Variants in HS6ST3 observed in about 807,000 individuals in gnomAD.
HS6ST3 encodes the protein heparan-sulfate 6-O-sulfotransferase 3.
A neutral mutation model predicts 36.7 loss-of-function variants in HS6ST3; 12 were observed. The observed-to-expected ratio is 0.33, with a 90% CI of 0.21 to 0.53. The LOEUF is 0.53. Among genes scored for constraint, HS6ST3 ranks in the 20% least tolerant of loss-of-function variants. The pLI is 0.95. For missense variants in HS6ST3, 584 were observed against 640.9 expected, an observed-to-expected ratio of 0.91 and a Z score of 0.96; for synonymous variants, 240 against 257.5, an observed-to-expected ratio of 0.93 and a Z score of 0.65.
intron 1 of HS6ST3, among the ~76,000 whole-genome samples, chr13:96,424,647 C>T (rs976104958): frequency 6.6e-6 from 1 of 152,230 alleles, no homozygotes; most frequent in East Asian, 1.9e-4. Context: ...TTTCTGGGTC[C>T]TTAGACGGCA....
At chr13:96,118,123 T>C (rs182574927) in intron 1 of HS6ST3, among the ~76,000 whole-genome samples, 1 of 152,040 alleles carries the variant, frequency 6.6e-6, no homozygotes, top group East Asian at 1.9e-4. Flanking sequence ...CCACCCACAT[T>C]GGCCTCCAAA....
At chr13:96,133,718 T>A (rs1235993887) in intron 1 of HS6ST3, among the ~76,000 whole-genome samples, 1 of 152,238 alleles carries the variant, frequency 6.6e-6, no homozygotes, top group Non-Finnish European at 1.5e-5. Context: ...CCACTCTGCC[T>A]GGCCCTGTGC....
chr13:96,546,510 T>C (rs1764284554), intron 1 of HS6ST3, among the ~76,000 whole-genome samples: 1 of 152,140 alleles, frequency 6.6e-6, no homozygotes, highest in African/African-American at 2.4e-5. Flanking sequence ...CACTATTAAT[T>C]ATGCCATGGC....
At chr13:96,474,151 T>C (rs2055852090) in intron 1 of HS6ST3, among the ~76,000 whole-genome samples, 1 of 152,216 alleles carries the variant, frequency 6.6e-6, no homozygotes, top group African/African-American at 2.4e-5. Context: ...TCATTTTATG[T>C]ACCCCCCTCC....
At chr13:96,135,464 T>C (rs921537408) in intron 1 of HS6ST3, among the ~76,000 whole-genome samples, 1 of 152,092 alleles carries the variant, frequency 6.6e-6, no homozygotes, top group African/African-American at 2.4e-5. Context: ...GAAGGAATAT[T>C]GAGTCTAATT....
chr13:96,538,481 T>C (rs1453820392), intron 1 of HS6ST3, among the ~76,000 whole-genome samples: 1 of 152,268 alleles, frequency 6.6e-6, no homozygotes, highest in Non-Finnish European at 1.5e-5. Context: ...TCTCACTCTG[T>C]CACCCAGGCT....
chr13:96,703,062 T>C (rs968637752), intron 1 of HS6ST3, among the ~76,000 whole-genome samples: 3 of 152,246 alleles, frequency 2.0e-5, no homozygotes, highest in Non-Finnish European at 4.4e-5. Context: ...CCAGGCTTCT[T>C]GCAGGTCTAA....
intron 1 of HS6ST3, among the ~76,000 whole-genome samples, chr13:96,422,447 C>T (rs1269344742): frequency 1.3e-5 from 2 of 152,106 alleles, no homozygotes; most frequent in East Asian, 3.9e-4. Flanking sequence ...GGTAGAAGAT[C>T]CTTGACACAA....
intron 1 of HS6ST3, among the ~76,000 whole-genome samples, chr13:96,249,452 G>C (rs2054598166): frequency 6.6e-6 from 1 of 152,156 alleles, no homozygotes; most frequent in African/African-American, 2.4e-5. Context: ...AAATGGAGTA[G>C]GAGGTGAGGA....
rs536725467 is a variant in HS6ST3, at chr13:96,189,836, C to A, written c.707+98267C>A. ...ATCAACTACATGATCAGATTTAAAGCTGGTGCATCATGTTTGCTCACAGGG... is the reference window on the plus strand; with the variant it reads ...ATCAACTACATGATCAGATTTAAAGATGGTGCATCATGTTTGCTCACAGGG... On this transcript the variant is annotated intron_variant, in intron 1 of 1. Coordinates refer to ENST00000376705, the MANE Select transcript of HS6ST3 (RefSeq NM_153456.4). Among the ~76,000 whole-genome samples the A allele has an allele frequency of 8.5e-5, 13 of 152,282 alleles. 1 individual carries two copies. Among genetic ancestry groups the A allele is most frequent in the African/African-American group, 2.9e-4 (12 of 41,566 alleles).
intron 1 of HS6ST3, among the ~76,000 whole-genome samples, chr13:96,636,013 A>G (rs2056548441): frequency 6.6e-6 from 1 of 152,140 alleles, no homozygotes; most frequent in Non-Finnish European, 1.5e-5. Context: ...TCTGTACTTG[A>G]CTTCATCAAT....
chr13:96,363,473 G>C (rs2055248987), intron 1 of HS6ST3, among the ~76,000 whole-genome samples: 1 of 152,124 alleles, frequency 6.6e-6, no homozygotes, highest in African/African-American at 2.4e-5. Flanking sequence ...AAGGATTTTG[G>C]CAGGCAGCTA....
At chr13:96,178,713 A>G (rs16951630) in intron 1 of HS6ST3, among the ~76,000 whole-genome samples, 3,889 of 152,198 alleles carry the variant, frequency 0.026, 61 homozygotes, top group East Asian at 0.055. Context: ...TCAGATGCCC[A>G]TAGGATGGCT....
chr13:96,217,791 T>C lies in HS6ST3; in HGVS notation c.707+126222T>C, dbSNP rs185546231. 2.0e-5 allele frequency among the ~76,000 whole-genome samples: 3 copies of C among 152,328 alleles called. No individual in the cohort carries two copies. In the East Asian group the frequency reaches 5.8e-4, roughly 29 times the overall value. On this transcript the variant is annotated intron_variant, in intron 1 of 1. Transcript: ENST00000376705. Reference sequence around the variant, plus strand: ...ATGTATGTATATAGGTGTGCATGCATATGCATATACATGTGTATATATTTA... The same window carrying C: ...ATGTATGTATATAGGTGTGCATGCACATGCATATACATGTGTATATATTTA...
chr13:96,403,956 C>T (rs924227686), intron 1 of HS6ST3, among the ~76,000 whole-genome samples: 1 of 152,148 alleles, frequency 6.6e-6, no homozygotes. Context: ...GGTTGTTCTC[C>T]TAATCCTTAG....
At chr13:96,343,250 A>G (rs759114584) in intron 1 of HS6ST3, among the ~76,000 whole-genome samples, 1 of 152,232 alleles carries the variant, frequency 6.6e-6, no homozygotes, top group Non-Finnish European at 1.5e-5. Context: ...TGCATTATCT[A>G]TCGGTCAGAA....
intron 1 of HS6ST3, among the ~76,000 whole-genome samples, chr13:96,733,766 T>C (rs1171265972): frequency 6.6e-6 from 1 of 152,208 alleles, no homozygotes; most frequent in Non-Finnish European, 1.5e-5. Flanking sequence ...CTGGACTTAC[T>C]CCTGCCCCAT....
In HS6ST3 at chr13:96,230,367, A is replaced by T. The variant is rs74106367; in HGVS notation, c.707+138798A>T. 6.0e-3 allele frequency among the ~76,000 whole-genome samples: 906 copies of T among 152,234 alleles called. 12 individuals are homozygous for T. The highest frequency in any genetic ancestry group is 0.02 in the African/African-American group (848 of 41,542). ...TCAGGGTACTGGTTTTGACAACTGT[A>T]TGGATGATCAACCAGATAGGGATCA... is the stretch of plus-strand genomic sequence containing the variant. On this transcript the variant is annotated intron_variant, in intron 1 of 1. Coordinates refer to ENST00000376705, the MANE Select transcript of HS6ST3 (RefSeq NM_153456.4).
chr13:96,368,380 C>A, intron 1 of HS6ST3, among the ~76,000 whole-genome samples: 1 of 151,822 alleles, frequency 6.6e-6, no homozygotes, highest in South Asian at 2.1e-4. Flanking sequence ...TTATATTAAG[C>A]TTTACTATAT....
Sources: allele counts gnomAD v4.1 joint callset (sites outside exome capture counted in the v4.1 genomes callset), GRCh38; gene constraint gnomAD v4.1.1; transcripts MANE v1.5; gene names NCBI Gene and HGNC (gene_info 2026-07-23, HGNC 2026-07-21).